ASB3: variants seen among roughly 807,000 people sequenced by gnomAD.
The protein encoded by ASB3 is ankyrin repeat and SOCS box containing 3, also known as ankyrin repeat and SOCS box protein 3.
Under a neutral mutation model 54.5 loss-of-function variants are expected in ASB3, and 41 were observed. The ratio of observed to expected loss-of-function variants is 0.75; its 90% CI spans 0.59 to 0.98. The LOEUF is 0.98. Among genes scored for constraint, ASB3 ranks in the 50% least tolerant of loss-of-function variants. ASB3 has a pLI of 0.00. For synonymous variants in ASB3, 266 were observed against 221.2 expected (o/e 1.20, Z -1.80); for missense variants, 733 against 620.0 (o/e 1.18, Z -1.94).
intron 5 of ASB3, among the ~76,000 whole-genome samples, chr2:53,726,692 A>AGTTTT (rs886431873): frequency 1.6e-3 from 248 of 151,384 alleles, no homozygotes; most frequent in African/African-American, 5.9e-3. Flanking sequence ...ATATATATAT[A>AGTTTT]GTTTTGTTTT....
intron 3 of ASB3, among the ~76,000 whole-genome samples, chr2:53,746,479 T>G (rs1572957687): frequency 3.5e-5 from 5 of 142,440 alleles, no homozygotes; most frequent in South Asian, 4.4e-4. Context: ...TTTTGGGGGG[T>G]TTTTTCTTTT....
chr2:53,764,621 T>C (rs1204347142), intron 2 of ASB3, among the ~76,000 whole-genome samples: 1 of 152,218 alleles, frequency 6.6e-6, no homozygotes, highest in Non-Finnish European at 1.5e-5. Context: ...CTCAGTAGTG[T>C]GCTGGTTAAC....
At chr2:53,671,726 T>G (rs1299810347) in intron 9 of ASB3, among the ~76,000 whole-genome samples, 1 of 146,464 alleles carries the variant, frequency 6.8e-6, no homozygotes, top group African/African-American at 2.5e-5. Flanking sequence ...GCCACTGCAC[T>G]CCAGCCTGGG....
chr2:53,703,479 C>T (rs1381870704), intron 7 of ASB3, among the ~76,000 whole-genome samples: 1 of 152,062 alleles, frequency 6.6e-6, no homozygotes, highest in African/African-American at 2.4e-5. Flanking sequence ...AAACTTAAAA[C>T]CTGGGGCACC....
At chr2:53,770,182 C>T (rs959571766) in intron 1 of ASB3, among the ~76,000 whole-genome samples, 3 of 151,964 alleles carry the variant, frequency 2.0e-5, no homozygotes, top group African/African-American at 4.8e-5. Context: ...AACACAGGAA[C>T]GTTTATAGTT....
chr2:53,765,900 T>C (rs1382873933), intron 1 of ASB3, among the ~76,000 whole-genome samples: 2 of 151,972 alleles, frequency 1.3e-5, no homozygotes, highest in African/African-American at 4.8e-5. Flanking sequence ...CCACAACGCA[T>C]TCTTTGGTGC....
intron 5 of ASB3, among the ~76,000 whole-genome samples, chr2:53,726,605 CACAT>C (rs1671008336): frequency 6.6e-6 from 1 of 151,168 alleles, no homozygotes; most frequent in African/African-American, 2.4e-5. Flanking sequence ...TATACACACA[CACAT>C]ATATATACAC....
chr2:53,724,399 C>T (rs1408707689), intron 5 of ASB3, among the ~76,000 whole-genome samples: 3 of 152,072 alleles, frequency 2.0e-5, no homozygotes, highest in African/African-American at 7.2e-5. Flanking sequence ...GAGATCAAGA[C>T]CATCCTGGCT....
At chr2:53,731,691 C>T (rs1052187382) in intron 3 of ASB3, among the ~76,000 whole-genome samples, 4 of 152,152 alleles carry the variant, frequency 2.6e-5, no homozygotes, top group South Asian at 4.1e-4. Context: ...CTCGCTCTGT[C>T]GCCCAGGCTG....
chr2:53,778,097 C>G (rs1420404940), intron 1 of ASB3, among the ~76,000 whole-genome samples: 1 of 143,290 alleles, frequency 7.0e-6, no homozygotes, highest in East Asian at 2.1e-4. Flanking sequence ...TGCAGTGAGC[C>G]AAGATGGCGC....
chr2:53,781,534 T>C lies in ASB3; in HGVS notation c.-14+5287A>G, dbSNP rs552960684. On this transcript the variant is annotated intron_variant, in intron 1 of 9. Coordinates refer to ENST00000263634, the MANE Select transcript of ASB3 (RefSeq NM_016115.5). ...TTTTGAGACAGAGTTTCACTCTTGTTGCCCAGTCTGGAGTACAATGGCGCC... is the reference window on the plus strand; with the variant it reads ...TTTTGAGACAGAGTTTCACTCTTGTCGCCCAGTCTGGAGTACAATGGCGCC... Among the ~76,000 whole-genome samples the C allele has an allele frequency of 4.6e-5, 7 of 152,276 alleles. No homozygotes were observed. The South Asian group carries it at 1.2e-3, about 27-fold the overall frequency.
chr2:53,685,844 A>T (rs1668604130), intron 9 of ASB3, among the ~76,000 whole-genome samples: 1 of 152,210 alleles, frequency 6.6e-6, no homozygotes, highest in Admixed American at 6.5e-5. Flanking sequence ...CATTTCACAC[A>T]ATCTAGTCCT....
At chr2:53,685,192 T>C (rs1668572961) in intron 9 of ASB3, among the ~76,000 whole-genome samples, 1 of 152,174 alleles carries the variant, frequency 6.6e-6, no homozygotes, top group African/African-American at 2.4e-5. Flanking sequence ...TATTTAACAG[T>C]GATTTTCAGA....
rs545821353 is a variant in ASB3 at position 53,781,498 on chromosome 2, T to C, written c.-14+5323A>G. 2.3e-3 allele frequency among the ~76,000 whole-genome samples: 351 copies of C among 150,038 alleles called. 1 individual carries two copies. The highest frequency in any genetic ancestry group is 8.2e-3 in the African/African-American group (336 of 40,984). On this transcript the variant is annotated intron_variant, in intron 1 of 9. Transcript: ENST00000263634. ...CTTAACCCCTTTGAGATTCTTTCCA[T>C]TTTTTTTTTCTTTTGAGACAGAGTT...
At chr2:53,782,412 C>T (rs546946221) in intron 1 of ASB3, among the ~76,000 whole-genome samples, 13 of 152,124 alleles carry the variant, frequency 8.5e-5, no homozygotes, top group Admixed American at 2.0e-4. Flanking sequence ...GACATTCTTG[C>T]CAGCAGAGCC....
In ASB3 at chr2:53,739,661, G is replaced by C. The variant is rs577415115; in HGVS notation, c.356-10091C>G. Among the ~76,000 whole-genome samples the C allele has an allele frequency of 1.0e-3, 155 of 152,118 alleles. 2 individuals carry two copies. The South Asian group carries it at 0.012, about 12-fold the overall frequency. On this transcript the variant is annotated intron_variant, in intron 3 of 9. Transcript: ENST00000263634. ...ATCTCTATTAGCTAGAAAATATACT[G>C]TTTCATTTTTTTGTTTGTTTTGTTT... is the stretch of plus-strand genomic sequence containing the variant.
intron 9 of ASB3, among the ~76,000 whole-genome samples, chr2:53,693,309 AT>A (rs1418071991): frequency 1.3e-5 from 2 of 152,130 alleles, no homozygotes; most frequent in African/African-American, 4.8e-5. Flanking sequence ...TAGCTTAAAA[AT>A]TTTTTTAAGT....
intron 7 of ASB3, among the ~76,000 whole-genome samples, chr2:53,702,564 C>A (rs1416119007): frequency 7.9e-5 from 12 of 152,112 alleles, no homozygotes. Context: ...AAAAGTCTAT[C>A]TTGTTTAACA....
In ASB3 at chr2:53,670,481, T is replaced by C. The variant is rs779984410; in HGVS notation, c.*22A>G. On this transcript the variant is annotated 3_prime_UTR_variant, in exon 10 of 10. Coordinates refer to ENST00000263634, the MANE Select transcript of ASB3 (RefSeq NM_016115.5). ...TGATTTTTCAGAGAAAAAAATTAGCTGTGTTAAGTAGTTTCACTGATTTAT... is the reference window on the plus strand; with the variant it reads ...TGATTTTTCAGAGAAAAAAATTAGCCGTGTTAAGTAGTTTCACTGATTTAT... The C allele has an allele frequency of 2.0e-5, 32 of 1,599,488 alleles. No homozygotes were observed. Among genetic ancestry groups the C allele is most frequent in the Non-Finnish European group, 2.6e-5 (31 of 1,176,664 alleles).
Sources: gnomAD v4.1 joint callset for allele counts (sites outside exome capture counted in the v4.1 genomes callset) on GRCh38, gnomAD v4.1.1 for gene constraint, MANE v1.5 for transcripts, NCBI Gene and HGNC (gene_info 2026-07-23, HGNC 2026-07-21) for gene names.